Variants in SDCCAG8 observed in about 807,000 individuals in gnomAD.
SDCCAG8 encodes the protein SHH signaling and ciliogenesis regulator SDCCAG8, also known as serologically defined colon cancer antigen 8.
A neutral mutation model predicts 101.8 loss-of-function variants in SDCCAG8; 74 were observed. The observed-to-expected ratio is 0.73, with a 90% CI of 0.60 to 0.88. The LOEUF is 0.88. Ranked by LOEUF, SDCCAG8 falls within the 40% of genes least tolerant of loss-of-function variation. The pLI is 0.00. For missense variants in SDCCAG8, 787 were observed against 822.6 expected (o/e 0.96, Z 0.53); for synonymous variants, 281 against 292.9 (o/e 0.96, Z 0.41).
intron 16 of SDCCAG8, among the ~76,000 whole-genome samples, chr1:243,486,917 A>G (rs1177342345): frequency 2.8e-5 from 4 of 141,856 alleles, no homozygotes; most frequent in Non-Finnish European, 4.6e-5. Flanking sequence ...TCGAGCAAGC[A>G]GGAAGCCACG....
chr1:243,265,528 C>A (rs1321987435), intron 1 of SDCCAG8, among the ~76,000 whole-genome samples: 1 of 152,138 alleles, frequency 6.6e-6, no homozygotes, highest in Non-Finnish European at 1.5e-5. Flanking sequence ...AAATCCTGCC[C>A]TAGGCCGGGC....
At chr1:243,475,587 G>A (rs1298908838) in intron 16 of SDCCAG8, among the ~76,000 whole-genome samples, 1 of 152,176 alleles carries the variant, frequency 6.6e-6, no homozygotes, top group African/African-American at 2.4e-5. Flanking sequence ...ATCCTCTGGG[G>A]CCTCTGAGTT....
At chr1:243,468,248 A>C (rs1474131844) in intron 16 of SDCCAG8, among the ~76,000 whole-genome samples, 1 of 149,920 alleles carries the variant, frequency 6.7e-6, no homozygotes, top group Non-Finnish European at 1.5e-5. Context: ...AGACGGAGTC[A>C]GCTGTGTCAC....
At chr1:243,365,616 C>T (rs77434873) in intron 12 of SDCCAG8, among the ~76,000 whole-genome samples, 2 of 152,046 alleles carry the variant, frequency 1.3e-5, no homozygotes, top group Non-Finnish European at 2.9e-5. Context: ...AATAATTTTG[C>T]CAAAAATTGC....
At chr1:243,421,281 C>T (rs1445579318) in intron 15 of SDCCAG8, among the ~76,000 whole-genome samples, 3 of 152,152 alleles carry the variant, frequency 2.0e-5, no homozygotes, top group Non-Finnish European at 4.4e-5. Context: ...CCATTTAAAA[C>T]AAGATTTTAA....
intron 12 of SDCCAG8, among the ~76,000 whole-genome samples, chr1:243,356,036 G>A (rs759640437): frequency 1.3e-4 from 20 of 152,252 alleles, no homozygotes; most frequent in Non-Finnish European, 1.8e-4. Context: ...TAAATTTATC[G>A]TAGAACTGTA....
chr1:243,318,006 A>G (rs1423898717), intron 9 of SDCCAG8: 1 of 456,186 alleles, frequency 2.2e-6, no homozygotes, highest in Non-Finnish European at 4.4e-6. Flanking sequence ...ATTCTGCTGC[A>G]AAGACACATG....
chr1:243,314,372 A>G (rs1323557411), intron 8 of SDCCAG8, among the ~76,000 whole-genome samples: 2 of 152,212 alleles, frequency 1.3e-5, no homozygotes, highest in Admixed American at 1.3e-4. Context: ...TTGGTGAGTT[A>G]ATATTCTGAA....
rs955882146 is a variant in SDCCAG8 at position 243,422,407 on chromosome 1, G to T, written c.1854-4020G>T. ...AATGATCCCGGTTTTAATCACTGAT[G>T]ATGAGAAACAAATTTTATAATTTTG... On this transcript the variant is annotated intron_variant, in intron 15 of 17. Coordinates refer to ENST00000366541, the MANE Select transcript of SDCCAG8 (RefSeq NM_006642.5). Among the ~76,000 whole-genome samples, 3 of 152,200 alleles carry T rather than the reference G, an allele frequency of 2.0e-5. No individual in the cohort carries two copies. The South Asian group carries it at 6.2e-4, about 31-fold the overall frequency.
chr1:243,326,213 G>A (rs1438263995), intron 9 of SDCCAG8, among the ~76,000 whole-genome samples: 2 of 152,146 alleles, frequency 1.3e-5, no homozygotes, highest in African/African-American at 4.8e-5. Flanking sequence ...GGTAAGTGGT[G>A]TGAACTTTTT....
chr1:243,263,732 A>G lies in SDCCAG8; in HGVS notation c.68-6373A>G, dbSNP rs144190397. Among the ~76,000 whole-genome samples the G allele has an allele frequency of 3.3e-5, 5 of 152,370 alleles. No homozygotes were observed. In the East Asian group the frequency reaches 9.6e-4, roughly 29 times the overall value. ...CAACCACTTTAGCATGTTTTCAGTT[A>G]TTAGAGTCTTAGGATAGTATTTTCT... On this transcript the variant is annotated intron_variant, in intron 1 of 17. Coordinates refer to ENST00000366541, the MANE Select transcript of SDCCAG8 (RefSeq NM_006642.5).
chr1:243,470,033 C>T (rs954123379), intron 16 of SDCCAG8, among the ~76,000 whole-genome samples: 4 of 151,756 alleles, frequency 2.6e-5, no homozygotes, highest in Non-Finnish European at 4.4e-5. Context: ...AGAATATTTG[C>T]TTTGTTTTTT....
intron 4 of SDCCAG8, among the ~76,000 whole-genome samples, chr1:243,279,344 T>C (rs1259545694): frequency 2.6e-5 from 4 of 152,252 alleles, no homozygotes; most frequent in Admixed American, 1.3e-4. Context: ...AAACTCGTTG[T>C]AAGTTGAAAA....
At chr1:243,269,910 A>G (rs991730625) in intron 1 of SDCCAG8, among the ~76,000 whole-genome samples, 195 bp from the exon 2 acceptor site, 2 of 152,134 alleles carry the variant, frequency 1.3e-5, no homozygotes, top group Non-Finnish European at 2.9e-5. Context: ...ATCAAGTCCT[A>G]CCTCTAAACC....
chr1:243,395,955 T>A (rs2079007497), intron 13 of SDCCAG8, among the ~76,000 whole-genome samples: 1 of 152,096 alleles, frequency 6.6e-6, no homozygotes, highest in Non-Finnish European at 1.5e-5. Context: ...AGATTAAATT[T>A]TGGGATAATC....
chr1:243,448,477 G>A (rs2083100151), intron 16 of SDCCAG8, among the ~76,000 whole-genome samples: 1 of 152,164 alleles, frequency 6.6e-6, no homozygotes, highest in Admixed American at 6.5e-5. Context: ...AATGGTAACA[G>A]GGGCCTGTGG....
At chr1:243,390,562 T>G (rs1304213805) in intron 13 of SDCCAG8, among the ~76,000 whole-genome samples, 1 of 152,192 alleles carries the variant, frequency 6.6e-6, no homozygotes, top group Non-Finnish European at 1.5e-5. Flanking sequence ...CAGGTTCTGC[T>G]TAACGTTCCC....
intron 5 of SDCCAG8, among the ~76,000 whole-genome samples, chr1:243,289,656 C>T (rs1558240434): frequency 6.6e-6 from 1 of 152,148 alleles, no homozygotes; most frequent in Non-Finnish European, 1.5e-5. Flanking sequence ...TGTTAAGTAA[C>T]CTAAGTAATT....
chr1:243,490,321 G>T (rs190304655), intron 17 of SDCCAG8, among the ~76,000 whole-genome samples: 2 of 152,328 alleles, frequency 1.3e-5, no homozygotes, highest in East Asian at 1.9e-4. Flanking sequence ...CAGGGACTGT[G>T]GGGGAGCGGG....
Sources: gnomAD v4.1 joint callset for allele counts (sites outside exome capture counted in the v4.1 genomes callset) on GRCh38, gnomAD v4.1.1 for gene constraint, MANE v1.5 for transcripts, NCBI Gene and HGNC (gene_info 2026-07-23, HGNC 2026-07-21) for gene names.